Variants in SLC2A13 observed in about 807,000 individuals in gnomAD.
SLC2A13 encodes the protein solute carrier family 2 member 13, also known as proton myo-inositol cotransporter.
In SLC2A13, 32 loss-of-function variants were observed where a neutral mutation model predicts 64.4. That is an observed-to-expected ratio of 0.50 (90% confidence interval 0.37 to 0.67). The LOEUF is 0.67. SLC2A13 is among the 30% of genes least tolerant of loss of function. The probability of loss-of-function intolerance (pLI) is 0.00; values close to 1 mark genes in which losing one functional copy is unlikely to be tolerated. For missense variants in SLC2A13, 743 were observed against 829.2 expected (o/e 0.90, Z 1.28); for synonymous variants, 338 against 327.1 (o/e 1.03, Z -0.36).
At chr12:39,805,191 C>T (rs1941938449) in intron 7 of SLC2A13, among the ~76,000 whole-genome samples, 2 of 152,162 alleles carry the variant, frequency 1.3e-5, no homozygotes, top group Non-Finnish European at 1.5e-5. Context: ...ATGTGTAGGA[C>T]TCTGCAGGGC....
At chr12:39,988,694 GAA>G (rs1311430978) in intron 3 of SLC2A13, among the ~76,000 whole-genome samples, 996 of 39,360 alleles carry the variant, frequency 0.025, 29 homozygotes, top group Admixed American at 0.1. Context: ...AGGGAGGGAG[GAA>G]GGAAGGAAGG....
intron 3 of SLC2A13, among the ~76,000 whole-genome samples, chr12:39,978,107 C>A (rs1203281733): frequency 6.6e-6 from 1 of 152,230 alleles, no homozygotes; most frequent in Non-Finnish European, 1.5e-5. Flanking sequence ...GCCTTCAATA[C>A]ATTTTTGTTG....
intron 6 of SLC2A13, among the ~76,000 whole-genome samples, chr12:39,838,570 A>G (rs569461241): frequency 6.6e-6 from 1 of 151,910 alleles, no homozygotes; most frequent in South Asian, 2.1e-4. Context: ...GTAAGTATTC[A>G]TATATTTAGA....
At chr12:40,076,537 C>T (rs1298132369) in intron 1 of SLC2A13, among the ~76,000 whole-genome samples, 1 of 152,126 alleles carries the variant, frequency 6.6e-6, no homozygotes, top group Admixed American at 6.5e-5. Flanking sequence ...TGTACATTTT[C>T]TTTATCCAGT....
At chr12:40,001,798 T>C (rs1442762577) in intron 3 of SLC2A13, among the ~76,000 whole-genome samples, 1 of 152,254 alleles carries the variant, frequency 6.6e-6, no homozygotes, top group Non-Finnish European at 1.5e-5. Context: ...AAAATAATTC[T>C]ATTTCTTCAA....
intron 7 of SLC2A13, among the ~76,000 whole-genome samples, chr12:39,805,977 T>G (rs2135794812): frequency 6.6e-6 from 1 of 152,304 alleles, no homozygotes; most frequent in Non-Finnish European, 1.5e-5. Flanking sequence ...ACACTTTCCT[T>G]AGCAATAGCA....
chr12:40,088,220 C>T (rs1461679731), intron 1 of SLC2A13, among the ~76,000 whole-genome samples: 1 of 152,154 alleles, frequency 6.6e-6, no homozygotes, highest in African/African-American at 2.4e-5. Flanking sequence ...AGACAGTTCT[C>T]ACTCAAAAGA....
intron 7 of SLC2A13, among the ~76,000 whole-genome samples, chr12:39,782,094 CA>C (rs1941006102): frequency 6.6e-6 from 1 of 152,024 alleles, no homozygotes; most frequent in African/African-American, 2.4e-5. Context: ...GAAGTAAGAC[CA>C]AATCTTAGGA....
chr12:39,897,393 AC>A (rs532287350), intron 4 of SLC2A13, among the ~76,000 whole-genome samples: 18 of 152,240 alleles, frequency 1.2e-4, no homozygotes, highest in African/African-American at 3.9e-4. Flanking sequence ...ACAATTCCCA[AC>A]TGCCTACCCC....
At chr12:39,779,485 C>T (rs1940899884) in intron 7 of SLC2A13, among the ~76,000 whole-genome samples, 2 of 152,144 alleles carry the variant, frequency 1.3e-5, no homozygotes. Context: ...CTTCCCTTTT[C>T]CTTCCCCAGG....
At chr12:40,098,113 G>A (rs943921036) in intron 1 of SLC2A13, among the ~76,000 whole-genome samples, 1 of 151,564 alleles carries the variant, frequency 6.6e-6, no homozygotes, top group Non-Finnish European at 1.5e-5. Flanking sequence ...TTTTATATGT[G>A]TGTGTATATA....
chr12:39,952,989 AT>A (rs34505666), intron 3 of SLC2A13, among the ~76,000 whole-genome samples: 130,841 of 151,626 alleles, frequency 0.86, 56,529 homozygotes, highest in East Asian at 0.99. Context: ...GTATATCATG[AT>A]TTTTTTTTTA....
chr12:39,825,706 C>T (rs1167613738), intron 7 of SLC2A13, among the ~76,000 whole-genome samples: 2 of 152,064 alleles, frequency 1.3e-5, no homozygotes, highest in Non-Finnish European at 2.9e-5. Context: ...TGCCTTCTCT[C>T]TCTTCTTGAT....
At chr12:40,076,444 GATA>G (rs879930328) in intron 1 of SLC2A13, among the ~76,000 whole-genome samples, 5 of 152,018 alleles carry the variant, frequency 3.3e-5, no homozygotes, top group Admixed American at 3.3e-4. Context: ...ATTCACATTG[GATA>G]ATGTTACTAG....
intron 7 of SLC2A13, 145 bp from the exon 8 acceptor site, chr12:39,765,003 A>G: frequency 3.2e-6 from 3 of 935,792 alleles, no homozygotes; most frequent in Non-Finnish European, 4.6e-6. Flanking sequence ...AACTAAATAT[A>G]CAGTATTAGA....
At chr12:39,918,982 A>AT (rs941316595) in intron 4 of SLC2A13, among the ~76,000 whole-genome samples, 59 of 148,970 alleles carry the variant, frequency 4.0e-4, no homozygotes, top group South Asian at 1.7e-3. Context: ...ATATCTATAC[A>AT]TTTTTTTTTT....
At chr12:39,882,750 A>T (rs1229544090) in intron 4 of SLC2A13, among the ~76,000 whole-genome samples, 2 of 150,832 alleles carry the variant, frequency 1.3e-5, no homozygotes, top group African/African-American at 4.8e-5. Context: ...GCACTCAAAC[A>T]CCTGTCTTCT....
intron 3 of SLC2A13, among the ~76,000 whole-genome samples, chr12:40,012,249 G>C (rs373486317): frequency 6.6e-6 from 1 of 152,104 alleles, no homozygotes. Flanking sequence ...AAAATCATTT[G>C]TGTTTTATTG....
At chr12:39,892,587 T>G (rs1378692523) in intron 4 of SLC2A13, among the ~76,000 whole-genome samples, 1 of 152,198 alleles carries the variant, frequency 6.6e-6, no homozygotes, top group Non-Finnish European at 1.5e-5. Flanking sequence ...ATAAATTGGG[T>G]GCATTAAACA....
Sources: allele counts gnomAD v4.1 joint callset (sites outside exome capture counted in the v4.1 genomes callset), GRCh38; gene constraint gnomAD v4.1.1; transcripts MANE v1.5; gene names NCBI Gene and HGNC (gene_info 2026-07-23, HGNC 2026-07-21).